PTPRK: variants seen among roughly 807,000 people sequenced by gnomAD.
PTPRK encodes receptor-type tyrosine-protein phosphatase kappa.
Under a neutral mutation model 178.0 loss-of-function variants are expected in PTPRK, and 75 were observed. The observed-to-expected ratio is 0.42, with a 90% CI of 0.35 to 0.51. PTPRK has a LOEUF of 0.51. PTPRK is among the 20% of genes least tolerant of loss of function. The pLI is 0.02. For synonymous variants in PTPRK, 637 were observed against 620.6 expected (o/e 1.03, Z -0.39); for missense variants, 1,441 against 1,797.8 (o/e 0.80, Z 3.59).
chr6:128,111,222 C>T (rs1481792494), intron 7 of PTPRK, among the ~76,000 whole-genome samples: 1 of 152,154 alleles, frequency 6.6e-6, no homozygotes, highest in African/African-American at 2.4e-5. Flanking sequence ...TAAGTTAATA[C>T]ATTTAACCTT....
At chr6:128,006,058 G>T in intron 14 of PTPRK, 1 of 1,565,656 alleles carries the variant, frequency 6.4e-7, no homozygotes, top group Non-Finnish European at 8.7e-7. Flanking sequence ...AGCTCCTCCT[G>T]GCAAGCAAAT....
intron 2 of PTPRK, among the ~76,000 whole-genome samples, chr6:128,342,261 A>AAAGAG (rs572844730): frequency 1.2e-4 from 18 of 152,252 alleles, no homozygotes; most frequent in African/African-American, 3.6e-4. Flanking sequence ...TCAAACAAAA[A>AAAGAG]AAGAGAAGAG....
chr6:128,510,306 A>G (rs1189492853), intron 1 of PTPRK, among the ~76,000 whole-genome samples: 1 of 152,222 alleles, frequency 6.6e-6, no homozygotes, highest in Non-Finnish European at 1.5e-5. Flanking sequence ...TGTGATTAAG[A>G]CAGCCTGGGT....
At chr6:128,491,891 A>C (rs747222420) in intron 1 of PTPRK, 3 of 476,366 alleles carry the variant, frequency 6.3e-6, no homozygotes, top group Admixed American at 4.5e-5. Flanking sequence ...GCTAATCTTC[A>C]CGGCAGGAAG....
At chr6:128,078,448 AC>A (rs1372900694) in intron 11 of PTPRK, among the ~76,000 whole-genome samples, 2 of 151,706 alleles carry the variant, frequency 1.3e-5, no homozygotes, top group Admixed American at 1.3e-4. Context: ...AAGAAAAACT[AC>A]CCCCCAACCC....
intron 7 of PTPRK, among the ~76,000 whole-genome samples, chr6:128,176,220 C>T (rs948546378): frequency 1.3e-5 from 2 of 151,644 alleles, no homozygotes; most frequent in Non-Finnish European, 2.9e-5. Context: ...TCATATGTAA[C>T]AAAAATATGG....
chr6:128,222,064 A>G (rs1259150346), intron 5 of PTPRK, among the ~76,000 whole-genome samples: 8 of 152,084 alleles, frequency 5.3e-5, no homozygotes, highest in African/African-American at 1.9e-4. Context: ...GCTCCCTGCC[A>G]TATGTATTTC....
chr6:128,003,325 A>T, intron 15 of PTPRK: 1 of 1,201,848 alleles, frequency 8.3e-7, no homozygotes. Context: ...CTTTCTTAAG[A>T]AATATAATTA....
At chr6:127,988,184 G>GAAGAGAGGAAGAGGGGA (rs1233774986) in intron 21 of PTPRK, among the ~76,000 whole-genome samples, 1 of 151,728 alleles carries the variant, frequency 6.6e-6, no homozygotes, top group Non-Finnish European at 1.5e-5. Context: ...TGTGCATGGG[G>GAAGAGAGGAAGAGGGGA]AAGAGAGGAA....
intron 7 of PTPRK, among the ~76,000 whole-genome samples, chr6:128,114,314 C>G (rs527307361): frequency 6.6e-6 from 1 of 151,994 alleles, no homozygotes; most frequent in African/African-American, 2.4e-5. Context: ...GGGGAAGTGC[C>G]ACACTTTAAA....
intron 2 of PTPRK, among the ~76,000 whole-genome samples, chr6:128,392,868 T>C (rs888917867): frequency 3.3e-5 from 5 of 152,288 alleles, no homozygotes; most frequent in African/African-American, 1.2e-4. Context: ...TTAATAATTA[T>C]GTAAGGGTCT....
At chr6:128,193,281 A>G (rs748094539) in intron 6 of PTPRK, among the ~76,000 whole-genome samples, 64 of 13,432 alleles carry the variant, frequency 4.8e-3, no homozygotes, top group Non-Finnish European at 6.2e-3. Context: ...CCAGCTTGTG[A>G]AAAAAAAAAA....
chr6:128,412,766 G>A (rs1335819276), intron 1 of PTPRK, among the ~76,000 whole-genome samples: 1 of 152,164 alleles, frequency 6.6e-6, no homozygotes. Context: ...ATGGCTTCCG[G>A]TTGGCCCAGG....
At chr6:128,039,871 G>C (rs529264773) in intron 13 of PTPRK, among the ~76,000 whole-genome samples, 1 of 152,256 alleles carries the variant, frequency 6.6e-6, no homozygotes, top group South Asian at 2.1e-4. Flanking sequence ...AATACTTTCT[G>C]AATGGATGGC....
chr6:128,474,496 C>G (rs1851125949), intron 1 of PTPRK, among the ~76,000 whole-genome samples: 2 of 152,030 alleles, frequency 1.3e-5, no homozygotes, highest in African/African-American at 4.8e-5. Context: ...GAATAAATGG[C>G]AAGGAGTTGG....
At chr6:128,083,266 A>G (rs1047004001) in intron 9 of PTPRK, among the ~76,000 whole-genome samples, 3 of 152,040 alleles carry the variant, frequency 2.0e-5, no homozygotes, top group African/African-American at 7.2e-5. Flanking sequence ...GTTGAAATGA[A>G]GCTCTAGAAA....
At chr6:128,366,337 C>A (rs545403117) in intron 2 of PTPRK, among the ~76,000 whole-genome samples, 1 of 152,234 alleles carries the variant, frequency 6.6e-6, no homozygotes, top group Admixed American at 6.5e-5. Context: ...AACCTTTAAA[C>A]TCTAAATGAA....
rs1774115296 is a variant in PTPRK, at chr6:127,973,005, A to G, written c.4269+17T>C. ...AATCTCTAAGATGCCTTCCAAATCT[A>G]AGATTCTGTGACTCACCGGGGCTTC... On this transcript the variant is annotated intron_variant, in intron 29 of 29. Coordinates refer to ENST00000368226, the MANE Select transcript of PTPRK (RefSeq NM_002844.4). The G allele has an allele frequency of 2.5e-6, 4 of 1,613,016 alleles. No homozygotes were observed. In the South Asian group the frequency reaches 3.3e-5, roughly 13 times the overall value.
intron 13 of PTPRK, among the ~76,000 whole-genome samples, chr6:128,049,733 G>A (rs931862288): frequency 5.9e-5 from 9 of 151,996 alleles, no homozygotes; most frequent in Non-Finnish European, 1.2e-4. Flanking sequence ...ACAAATAATC[G>A]CAGTATAAAT....
Sources: gnomAD v4.1 joint callset for allele counts (sites outside exome capture counted in the v4.1 genomes callset) on GRCh38, gnomAD v4.1.1 for gene constraint, MANE v1.5 for transcripts, NCBI Gene and HGNC (gene_info 2026-07-23, HGNC 2026-07-21) for gene names.